IFI16: variants seen among roughly 807,000 people sequenced by gnomAD.
IFI16 encodes interferon gamma inducible protein 16.
A neutral mutation model predicts 68.4 loss-of-function variants in IFI16; 49 were observed. The observed-to-expected ratio is 0.72, with a 90% confidence interval of 0.57 to 0.91. The LOEUF is 0.91. Ranked by LOEUF, IFI16 falls within the 40% of genes least tolerant of loss-of-function variation. The pLI is 0.00. For missense variants in IFI16, 878 were observed against 942.9 expected (o/e 0.93, Z 0.90); for synonymous variants, 307 against 315.0 (o/e 0.97, Z 0.27).
intron 11 of IFI16, among the ~76,000 whole-genome samples, chr1:159,054,277 T>C (rs1408379007): frequency 1.3e-5 from 2 of 152,172 alleles, no homozygotes; most frequent in Admixed American, 1.3e-4. Context: ...GTCCATGCTT[T>C]TTGCCACACT....
intron 1 of IFI16, among the ~76,000 whole-genome samples, chr1:159,013,218 G>A (rs1447337905): frequency 7.1e-6 from 1 of 141,728 alleles, no homozygotes; most frequent in Non-Finnish European, 1.5e-5. Flanking sequence ...ACCCAGGCTG[G>A]AGTGTAGTGG....
chr1:159,016,810 T>A, intron 4 of IFI16, 110 bp downstream of exon 4: 1 of 962,720 alleles, frequency 1.0e-6, no homozygotes, highest in Non-Finnish European at 1.6e-6. Context: ...TAATCCAATG[T>A]ACATATTGAG....
exon 1 of IFI16, chr1:159,000,181 GT>G: frequency 4.5e-6 from 1 of 224,474 alleles, no homozygotes; most frequent in Non-Finnish European, 9.6e-6. Flanking sequence ...TACTCGTGCT[GT>G]TTAGAGTATG....
intron 7 of IFI16, among the ~76,000 whole-genome samples, chr1:159,034,040 G>C (rs2101878022): frequency 6.6e-6 from 1 of 152,258 alleles, no homozygotes; most frequent in Non-Finnish European, 1.5e-5. Flanking sequence ...TCACTTACTT[G>C]GTAATGCCAA....
Position 159,055,014 on chromosome 1 carries a change from T to A in IFI16, c.*113T>A. On this transcript the variant is annotated 3_prime_UTR_variant, in exon 12 of 12. Transcript: ENST00000295809. Reference sequence around the variant, plus strand: ...TATACATACACACCACCATATATACTAGCTGTTAATCCTATGGAATGGGGT... The same window carrying A: ...TATACATACACACCACCATATATACAAGCTGTTAATCCTATGGAATGGGGT... 2.1e-6 allele frequency: 1 copy of A among 480,460 alleles called. No individual in the cohort carries two copies. Among genetic ancestry groups the A allele is most frequent in the Non-Finnish European group, 3.8e-6 (1 of 261,890 alleles). The allele number at this position is 480,460 out of a possible 1,614,324, so 29.8% of individuals were successfully genotyped here. A position where few individuals can be genotyped will look rare whatever the true frequency, so the allele number is the denominator to read the frequency against.
At chr1:159,009,806 C>T (rs1178766589), upstream of IFI16, 1 of 152,206 alleles carries the variant, frequency 6.6e-6, no homozygotes, top group Non-Finnish European at 1.5e-5. Flanking sequence ...CCCCTCACCA[C>T]ATGCTCCAGC....
chr1:159,049,547 C>T lies in IFI16; in HGVS notation c.1613C>T (p.Pro538Leu), dbSNP rs1363244958. ...AGCATAGGCCCAGCTGAGAGCCATC[C>T]CCACACTCCTCAGATGCCTCCATCA... ...MTSIGPAESH[P>L]HTPQMPPSTP... Residue 538 changes from proline (P) to leucine (L), a missense_variant, in exon 9 of 12, where the codon CCC becomes CTC. Physicochemically the swap from Pro to Leu is moderately conservative, Grantham distance 98 (BLOSUM62 -3). This residue lies in a region of IFI16 where 311 missense variants were observed against 305.1 expected (regional missense o/e 1.02). Coordinates refer to ENST00000295809, the MANE Select transcript of IFI16 (RefSeq NM_001376587.1). 1 of 1,596,818 alleles carries T rather than the reference C, an allele frequency of 6.3e-7. No homozygotes were observed. The highest frequency in any genetic ancestry group is 2.2e-5 in the East Asian group (1 of 44,800).
chr1:159,051,911 C>A lies in IFI16; in HGVS notation c.1898C>A (p.Ala633Glu). The stretch of plus-strand genomic sequence containing the variant: ...ACCCCAAAGAAGATCATTGCCATAG[C>A]AAATTATGTTTGCCGCAATGGGTTC... ...KFTPKKIIAI[A>E]NYVCRNGFLE... The change falls in exon 10 of 12, where the codon GCA becomes GAA. Residue 633 changes from alanine to glutamate, a missense_variant. By Grantham distance (107) the Ala-to-Glu change is moderately radical. Transcript: ENST00000295809. 6.2e-7 allele frequency: 1 copy of A among 1,614,078 alleles called. No homozygotes were observed. The highest frequency in any genetic ancestry group is 1.1e-5 in the South Asian group (1 of 91,082).
At chr1:159,047,169 C>G (rs560797212) in intron 8 of IFI16, among the ~76,000 whole-genome samples, 1 of 151,282 alleles carries the variant, frequency 6.6e-6, no homozygotes, top group South Asian at 2.1e-4. Context: ...TCACCCAAGC[C>G]CCAAGCTACC....
chr1:159,018,556 A>G lies in IFI16; in HGVS notation c.877A>G (p.Lys293Glu), dbSNP rs775192607. The part of the protein sequence containing the change: ...GPNQTFEVPN[K>E]IINRAKETLK... ...TAACCAAACGTTTGAGGTTCCAAAT[A>G]AAATCATCAACAGAGCAAAGGAAAC... is the stretch of plus-strand genomic sequence containing the variant. The change falls in exon 5 of 12, where the codon AAA becomes GAA. Residue 293 changes from lysine (K) to glutamate (E), a missense_variant. Physicochemically the swap from Lys to Glu is moderately conservative, Grantham distance 56. Around this residue, in one of 4 missense-constraint regions of IFI16, gnomAD observed 443 missense variants for 421.8 expected, o/e 1.05. Transcript: ENST00000295809. The G allele has an allele frequency of 6.2e-7, 1 of 1,613,934 alleles. No homozygotes were observed. The highest frequency in any genetic ancestry group is 8.5e-7 in the Non-Finnish European group (1 of 1,179,764).
intron 7 of IFI16, among the ~76,000 whole-genome samples, chr1:159,040,489 T>G (rs1393483444): frequency 6.6e-6 from 1 of 152,260 alleles, no homozygotes; most frequent in East Asian, 1.9e-4. Flanking sequence ...CTACGAAGTA[T>G]GTAGTTTTAA....
Position 159,051,945 on chromosome 1 carries a change from A to T in IFI16, c.1932A>T (p.Val644=), listed in dbSNP as rs754496918. 2 of 1,614,130 alleles carry T rather than the reference A, an allele frequency of 1.2e-6. No individual in the cohort carries two copies. The highest frequency in any genetic ancestry group is 1.1e-5 in the South Asian group (1 of 91,082). ...NYVCRNGFLE[V]YPFTLVADVN... is the part of the protein sequence containing the mutation. ...TTTGCCGCAATGGGTTCCTGGAGGT[A>T]TATCCTTTCACACTTGTGGCTGATG... is the stretch of plus-strand genomic sequence containing the variant. Residue 644 remains valine (V), a synonymous_variant, in exon 10 of 12, where the codon GTA becomes GTT. Coordinates refer to ENST00000295809, the MANE Select transcript of IFI16 (RefSeq NM_001376587.1).
chr1:159,045,976 CTTA>C (rs55694487), intron 8 of IFI16, among the ~76,000 whole-genome samples: 26,528 of 150,920 alleles, frequency 0.18, 3,372 homozygotes, highest in East Asian at 0.3. Context: ...TACAAAGAGT[CTTA>C]TTATATTCTC....
chr1:159,038,658 C>T (rs1252140825), intron 7 of IFI16, among the ~76,000 whole-genome samples: 2 of 152,224 alleles, frequency 1.3e-5, no homozygotes, highest in Non-Finnish European at 1.5e-5. Flanking sequence ...CAAGCCACTG[C>T]ATGCAGCTTA....
intron 6 of IFI16, among the ~76,000 whole-genome samples, chr1:159,022,218 C>A (rs2101837469): frequency 6.6e-6 from 1 of 152,280 alleles, no homozygotes; most frequent in South Asian, 2.1e-4. Context: ...CCCGCCTCGG[C>A]CTCCCAAAGT....
chr1:159,016,786 G>A (rs1056112314), intron 4 of IFI16, 86 bp downstream of exon 4: 19 of 1,217,256 alleles, frequency 1.6e-5, no homozygotes, highest in East Asian at 4.8e-5. Context: ...AAATTGCATC[G>A]ATAATTTGCT....
rs527906750 is a variant in IFI16 at position 159,015,829 on chromosome 1, C to T, written c.266-43C>T. ...TGTCGGAGATCGTTTATATGTCTTC[C>T]TTTTTTCTGCATTGGTTGGGAATAA... On this transcript the variant is annotated intron_variant, in intron 2 of 11. Coordinates refer to ENST00000295809, the MANE Select transcript of IFI16 (RefSeq NM_001376587.1). 5.6e-5 allele frequency: 81 copies of T among 1,442,214 alleles called. No individual in the cohort carries two copies. In the South Asian group the frequency reaches 8.8e-4, roughly 16 times the overall value. 89.3% of individuals were successfully genotyped at this position (1,442,214 alleles called of 1,614,324 possible).
rs529814996 is a variant in IFI16 at position 159,019,106 on chromosome 1, C to T, written c.972+455C>T. Among the ~76,000 whole-genome samples, 24 of 152,224 alleles carry T rather than the reference C, an allele frequency of 1.6e-4. 1 individual carries two copies. Among genetic ancestry groups the T allele is most frequent in the African/African-American group, 5.5e-4 (23 of 41,524 alleles). The stretch of plus-strand genomic sequence containing the variant: ...GTCAGAATAAGAAATAAATTGACTA[C>T]TCATGGCTGGAAAACAAATGCAGAA... On this transcript the variant is annotated intron_variant, in intron 5 of 11. Coordinates refer to ENST00000295809, the MANE Select transcript of IFI16 (RefSeq NM_001376587.1).
chr1:159,013,162 C>CTT lies in IFI16; in HGVS notation c.-20-1474_-20-1473dup, dbSNP rs59743054. The stretch of plus-strand genomic sequence containing the variant: ...TCCTCATGTTCTCGTAAGAAGGAAG[C>CTT]TTTTTTTTTTTTTTTTTTTTTTTTT... On this transcript the variant is annotated intron_variant, in intron 1 of 11. Coordinates refer to ENST00000295809, the MANE Select transcript of IFI16 (RefSeq NM_001376587.1). Among the ~76,000 whole-genome samples the CTT allele has an allele frequency of 4.6e-4, 25 of 54,674 alleles. 2 individuals are homozygous for CTT. The highest frequency in any genetic ancestry group is 1.3e-3 in the African/African-American group (21 of 15,724). The allele number at this position is 54,674 out of a possible 152,430, so 35.9% of individuals were successfully genotyped here. A position where few individuals can be genotyped will look rare whatever the true frequency, so the allele number is the denominator to read the frequency against.
Sources: gnomAD v4.1 joint callset for allele counts (sites outside exome capture counted in the v4.1 genomes callset) on GRCh38, gnomAD v4.1.1 for gene constraint, gnomAD v4.1.1 regional missense constraint, MANE v1.5 for transcripts, NCBI Gene and HGNC (gene_info 2026-07-23, HGNC 2026-07-21) for gene names.